Variants in ANKS1A observed in about 807,000 individuals in gnomAD.
ANKS1A encodes the protein ankyrin repeat and SAM domain-containing protein 1A.
ANKS1A carries 55 observed loss-of-function variants against 120.3 expected under a neutral mutation model. The observed-to-expected ratio is 0.46, with a 90% CI of 0.37 to 0.57. The LOEUF (loss-of-function observed/expected upper bound fraction) is 0.57. ANKS1A is among the 20% of genes least tolerant of loss of function. The pLI, the probability that ANKS1A is intolerant of heterozygous loss-of-function variation, is 0.00. For synonymous variants in ANKS1A, 590 were observed against 604.7 expected (o/e 0.98, Z 0.36); for missense variants, 1,123 against 1,480.3 (o/e 0.76, Z 3.96).
chr6:35,086,304 G>T lies in ANKS1A; in HGVS notation c.3303+368G>T, dbSNP rs751992007. On this transcript the variant is annotated intron_variant, in intron 22 of 23. Transcript: ENST00000360359. The surrounding 1 kb of genome is among the most constrained non-coding windows in gnomAD (Gnocchi z 5.1). ...CCCCCCGATAGTCGCTGTTGTTACT[G>T]TCACACCTGCACCACCCACCGTCCT... 2.3e-6 allele frequency: 3 copies of T among 1,310,502 alleles called. No homozygotes were observed. Among genetic ancestry groups the T allele is most frequent in the Non-Finnish European group, 3.0e-6 (3 of 1,003,276 alleles). 81.2% of individuals were successfully genotyped at this position (1,310,502 alleles called of 1,614,324 possible).
chr6:35,066,920 T>C (rs1776805253), intron 13 of ANKS1A, among the ~76,000 whole-genome samples: 1 of 152,210 alleles, frequency 6.6e-6, no homozygotes, highest in Non-Finnish European at 1.5e-5. Context: ...AAACAGCCAC[T>C]GAGCGCCTGA....
Position 34,895,253 on chromosome 6 carries a change from T to C in ANKS1A, c.197+5654T>C, listed in dbSNP as rs80021339. On this transcript the variant is annotated intron_variant, in intron 1 of 23. Transcript: ENST00000360359. The stretch of plus-strand genomic sequence containing the variant: ...TAAGAGACAGGAGTCTTGCTAATGT[T>C]GTCCAGGCTGACCTTAAACTCCTGG... Among the ~76,000 whole-genome samples, 839 of 151,934 alleles carry C rather than the reference T, an allele frequency of 5.5e-3. 8 individuals carry two copies. Among genetic ancestry groups the C allele is most frequent in the African/African-American group, 0.016 (664 of 41,446 alleles).
rs1778165641 is a variant in ANKS1A, at chr6:35,089,178, G to A, written c.*569G>A. On this transcript the variant is annotated 3_prime_UTR_variant, in exon 24 of 24. Transcript: ENST00000360359. Reference sequence around the variant, plus strand: ...TATCAGCTGCTGCTCTTTATGAACTGCCCAACTTCCTGTCCCTTTCAGGGG... The same window carrying A: ...TATCAGCTGCTGCTCTTTATGAACTACCCAACTTCCTGTCCCTTTCAGGGG... The A allele has an allele frequency of 2.0e-6, 2 of 999,084 alleles. No individual in the cohort carries two copies. The highest frequency in any genetic ancestry group is 2.4e-6 in the Non-Finnish European group (2 of 836,792). The allele number at this position is 999,084 out of a possible 1,614,324, so 61.9% of individuals were successfully genotyped here. A position where few individuals can be genotyped will look rare whatever the true frequency, so the allele number is the denominator to read the frequency against.
chr6:34,984,679 C>T (rs1772089015), intron 7 of ANKS1A, among the ~76,000 whole-genome samples: 1 of 152,078 alleles, frequency 6.6e-6, no homozygotes, highest in Admixed American at 6.5e-5. Context: ...GCTCAGAAAG[C>T]CTTTGCCGTC....
intron 1 of ANKS1A, among the ~76,000 whole-genome samples, chr6:34,895,071 A>C (rs1005310743): frequency 6.6e-6 from 1 of 152,182 alleles, no homozygotes; most frequent in African/African-American, 2.4e-5. Context: ...GGAATGAAGC[A>C]TGAAAAATTT....
chr6:34,918,308 C>T lies in ANKS1A; in HGVS notation c.197+28709C>T, dbSNP rs186320322. ...TGGCCTAGGTTCAAATGCCAGCTCT[C>T]CACTTAGTGGTAAGTTAAACTTCCT... On this transcript the variant is annotated intron_variant, in intron 1 of 23. Transcript: ENST00000360359. Among the ~76,000 whole-genome samples, 102 of 152,262 alleles carry T rather than the reference C, an allele frequency of 6.7e-4. 2 individuals carry two copies. The highest frequency in any genetic ancestry group is 5.5e-3 in the Admixed American group (84 of 15,296).
rs554418015 is a variant in ANKS1A, at chr6:35,035,370, C to T, written c.2010+17311C>T. 8.5e-4 allele frequency among the ~76,000 whole-genome samples: 129 copies of T among 152,228 alleles called. 1 individual carries two copies. Among genetic ancestry groups the T allele is most frequent in the African/African-American group, 2.9e-3 (121 of 41,532 alleles). ...TGCTTCACTGTTTGGCTTTGTTTTA[C>T]CTGTTTTATGTCTTAGATCAACAAA... On this transcript the variant is annotated intron_variant, in intron 11 of 23. Coordinates refer to ENST00000360359, the MANE Select transcript of ANKS1A (RefSeq NM_015245.3).
At chr6:34,893,147 T>A (rs1766905877) in intron 1 of ANKS1A, among the ~76,000 whole-genome samples, 1 of 152,204 alleles carries the variant, frequency 6.6e-6, no homozygotes, top group Admixed American at 6.5e-5. Flanking sequence ...GATAATACTA[T>A]CTGCCTTATA....
At chr6:34,970,930 C>T (rs1771154499) in intron 3 of ANKS1A, among the ~76,000 whole-genome samples, 1 of 152,124 alleles carries the variant, frequency 6.6e-6, no homozygotes, top group Non-Finnish European at 1.5e-5. Flanking sequence ...ATCACTTAAG[C>T]CCAGGAGTTT....
intron 5 of ANKS1A, 34 bp from the exon 6 acceptor site, chr6:34,983,079 T>C: frequency 6.3e-7 from 1 of 1,596,172 alleles, no homozygotes; most frequent in Non-Finnish European, 8.6e-7. Flanking sequence ...TTGAAAATGC[T>C]CACTCCCCTG....
At chr6:35,026,923 A>G (rs759809566) in intron 11 of ANKS1A, among the ~76,000 whole-genome samples, 15 of 152,210 alleles carry the variant, frequency 9.9e-5, no homozygotes, top group African/African-American at 3.1e-4. Flanking sequence ...TTAAAAAGCT[A>G]TTGAACTAGA....
downstream of ANKS1A, among the ~76,000 whole-genome samples, chr6:35,093,457 G>A (rs1778367346): frequency 6.6e-6 from 1 of 152,040 alleles, no homozygotes; most frequent in Non-Finnish European, 1.5e-5. Context: ...CTTTCCAAAC[G>A]TTATAAAACC....
intron 1 of ANKS1A, among the ~76,000 whole-genome samples, chr6:34,913,917 T>C (rs1270562075): frequency 1.3e-5 from 2 of 151,894 alleles, no homozygotes; most frequent in African/African-American, 4.8e-5. Flanking sequence ...GCCCAGCCAA[T>C]AAAGTAATTT....
In ANKS1A at chr6:35,090,905, C is replaced by T. The variant is rs938865168; in HGVS notation, c.*2296C>T. On this transcript the variant is annotated 3_prime_UTR_variant, in exon 24 of 24. Transcript: ENST00000360359. Reference sequence around the variant, plus strand: ...AGCTGCTCAGCGCATAAGACCTTCCCGACAGGCTCTGCGTGTGCAGCTCTC... The same window carrying T: ...AGCTGCTCAGCGCATAAGACCTTCCTGACAGGCTCTGCGTGTGCAGCTCTC... 1.3e-5 allele frequency: 13 copies of T among 985,534 alleles called. No homozygotes were observed. Among genetic ancestry groups the T allele is most frequent in the African/African-American group, 1.0e-4 (6 of 57,242 alleles). 61.0% of individuals were successfully genotyped at this position (985,534 alleles called of 1,614,324 possible).
chr6:35,084,633 C>G lies in ANKS1A; in HGVS notation c.3132+375C>G, dbSNP rs1165767142. 1.3e-5 allele frequency among the ~76,000 whole-genome samples: 2 copies of G among 152,060 alleles called. No homozygotes were observed. Among genetic ancestry groups the G allele is most frequent in the African/African-American group, 2.4e-5 (1 of 41,390 alleles). On this transcript the variant is annotated intron_variant, in intron 21 of 23. Transcript: ENST00000360359. The surrounding 1 kb of genome is among the most constrained non-coding windows in gnomAD (Gnocchi z 4.8). ...TGAGCCACCGCCCCTGACTTTCCAG[C>G]TTTTTGGCGAGTGTTTTCTTAGGTC...
intron 11 of ANKS1A, among the ~76,000 whole-genome samples, chr6:35,021,741 T>G (rs1461650592): frequency 6.6e-6 from 1 of 152,060 alleles, no homozygotes; most frequent in African/African-American, 2.4e-5. Flanking sequence ...ATCCCAGCAC[T>G]TTGGGAGGCC....
intron 16 of ANKS1A, 118 bp from the exon 17 acceptor site, chr6:35,080,876 C>T (rs1347073072): frequency 3.1e-6 from 4 of 1,306,318 alleles, no homozygotes; most frequent in African/African-American, 1.5e-5. Context: ...CCCTTCGCTC[C>T]CTGCTGCTTC....
intron 10 of ANKS1A, among the ~76,000 whole-genome samples, chr6:35,012,408 T>C (rs1773805031): frequency 6.6e-6 from 1 of 152,258 alleles, no homozygotes; most frequent in South Asian, 2.1e-4. Flanking sequence ...AGCCATGTAC[T>C]TGGGAGTTCT....
chr6:35,065,854 G>GC (rs1776746627), intron 13 of ANKS1A, among the ~76,000 whole-genome samples: 2 of 152,344 alleles, frequency 1.3e-5, no homozygotes, highest in East Asian at 1.9e-4. Flanking sequence ...ACTGGCTCAG[G>GC]CCCCCCAGGT....
Sources: gnomAD v4.1 joint callset for allele counts (sites outside exome capture counted in the v4.1 genomes callset) on GRCh38, gnomAD v4.1.1 for gene constraint, Gnocchi (gnomAD v3.1) non-coding constraint, MANE v1.5 for transcripts, NCBI Gene and HGNC (gene_info 2026-07-23, HGNC 2026-07-21) for gene names.